The following TRPC1 variants were observed in gnomAD, a reference collection of about 807,000 sequenced individuals.
TRPC1 encodes transient receptor potential cation channel subfamily C member 1.
TRPC1 carries 42 observed loss-of-function variants against 88.2 expected under a neutral mutation model. That is an observed-to-expected ratio of 0.48 (90% CI 0.37 to 0.62). The LOEUF is 0.62. TRPC1 is among the 20% of genes least tolerant of loss of function. The probability of loss-of-function intolerance (pLI) is 0.00; values close to 1 mark genes in which losing one functional copy is unlikely to be tolerated. For missense variants in TRPC1, 699 were observed against 957.3 expected, an observed-to-expected ratio of 0.73 and a Z score of 3.56; for synonymous variants, 288 against 331.8, an observed-to-expected ratio of 0.87 and a Z score of 1.43.
chr3:142,751,104 G>C (rs1469967656), intron 4 of TRPC1, among the ~76,000 whole-genome samples: 2 of 152,122 alleles, frequency 1.3e-5, no homozygotes, highest in Non-Finnish European at 2.9e-5. Flanking sequence ...CTGTGAGCTA[G>C]GTTTAATTTA....
chr3:142,802,163 C>A lies in TRPC1; in HGVS notation c.1582-6C>A. 6.5e-7 allele frequency: 1 copy of A among 1,541,006 alleles called. No individual in the cohort carries two copies. Among genetic ancestry groups the A allele is most frequent in the Non-Finnish European group, 8.7e-7 (1 of 1,147,214 alleles). ...TTAATGAACACCTGTGTAATATATTCCACAGATTTCAATGGGACAGATGTT... is the reference window on the plus strand; with the variant it reads ...TTAATGAACACCTGTGTAATATATTACACAGATTTCAATGGGACAGATGTT... On this transcript the variant is annotated splice_region_variant and splice_polypyrimidine_tract_variant and intron_variant, in intron 9 of 12. Coordinates refer to ENST00000476941, the MANE Select transcript of TRPC1 (RefSeq NM_001251845.2).
In TRPC1 at chr3:142,777,686, AGAG is replaced by A; in HGVS notation, c.693_695del (p.Glu231del). The stretch of plus-strand genomic sequence containing the variant: ...CCAGTCCAGCTCTAATAATGTTAAC[AGAG>A]GAGGATCCAATTCTGAGAGCATTTG... On this transcript the variant is annotated inframe_deletion, in exon 5 of 13. Coordinates refer to ENST00000476941, the MANE Select transcript of TRPC1 (RefSeq NM_001251845.2). 1 of 1,613,314 alleles carries A rather than the reference AGAG, an allele frequency of 6.2e-7. No homozygotes were observed. Among genetic ancestry groups the A allele is most frequent in the Non-Finnish European group, 8.5e-7 (1 of 1,179,438 alleles).
At chr3:142,725,117 A>C (rs971168936) in intron 1 of TRPC1, among the ~76,000 whole-genome samples, 1 of 151,964 alleles carries the variant, frequency 6.6e-6, no homozygotes, top group Non-Finnish European at 1.5e-5. Flanking sequence ...AGTTTCCGAC[A>C]CTCCAGTCGG....
intron 1 of TRPC1, among the ~76,000 whole-genome samples, chr3:142,735,311 T>G (rs1205106488): frequency 6.6e-6 from 1 of 152,200 alleles, no homozygotes; most frequent in Non-Finnish European, 1.5e-5. Context: ...TTTAGCCCAG[T>G]TTCAGTATTT....
At chr3:142,731,822 G>T (rs929092681) in intron 1 of TRPC1, among the ~76,000 whole-genome samples, 1 of 151,976 alleles carries the variant, frequency 6.6e-6, no homozygotes, top group African/African-American at 2.4e-5. Context: ...GCTAAAACTG[G>T]TTTTTTACAT....
intron 9 of TRPC1, among the ~76,000 whole-genome samples, chr3:142,798,107 A>G (rs1487537487): frequency 6.6e-6 from 1 of 152,034 alleles, no homozygotes; most frequent in African/African-American, 2.4e-5. Flanking sequence ...CTCAAGTCCT[A>G]CCCTCAGAGA....
chr3:142,739,659 C>T lies in TRPC1; in HGVS notation c.327+3126C>T, dbSNP rs764754415. 5.2e-4 allele frequency among the ~76,000 whole-genome samples: 79 copies of T among 151,908 alleles called. 3 individuals are homozygous for T. The highest frequency in any genetic ancestry group is 1.6e-4 in the Non-Finnish European group (11 of 68,028). On this transcript the variant is annotated intron_variant, in intron 2 of 12. Coordinates refer to ENST00000476941, the MANE Select transcript of TRPC1 (RefSeq NM_001251845.2). Reference sequence around the variant, plus strand: ...ATATAATAGTTAGGGGATATCATTACATGATTTTCGAGAAAGGATGTGATG... The same window carrying T: ...ATATAATAGTTAGGGGATATCATTATATGATTTTCGAGAAAGGATGTGATG...
At chr3:142,784,623 A>G in intron 6 of TRPC1, 81 bp from the exon 7 acceptor site, 1 of 1,119,828 alleles carries the variant, frequency 8.9e-7, no homozygotes, top group Non-Finnish European at 1.3e-6. Context: ...TTATTCAGTA[A>G]ACTTTGAATA....
intron 10 of TRPC1, 142 bp from the exon 11 acceptor site, chr3:142,803,835 G>A (rs1378544138): frequency 6.3e-6 from 5 of 792,750 alleles, no homozygotes; most frequent in Non-Finnish European, 1.0e-5. Context: ...TATCAGTACT[G>A]TGGAAGTCAA....
At chr3:142,757,078 A>C (rs1286672579) in intron 4 of TRPC1, among the ~76,000 whole-genome samples, 1 of 152,162 alleles carries the variant, frequency 6.6e-6, no homozygotes, top group Admixed American at 6.5e-5. Context: ...TGGCTGAATA[A>C]TATTCCGTTA....
In TRPC1 at chr3:142,792,296, A is replaced by C. The variant is rs1198034126; in HGVS notation, c.1438-528A>C. Reference sequence around the variant, plus strand: ...CATTTTGAGAGTGAAAGGGGGCACTATTAATAATTATGCCAGGACAACTGG... The same window carrying C: ...CATTTTGAGAGTGAAAGGGGGCACTCTTAATAATTATGCCAGGACAACTGG... On this transcript the variant is annotated intron_variant, in intron 8 of 12. Transcript: ENST00000476941. The surrounding 1 kb of genome is among the most constrained non-coding windows in gnomAD (Gnocchi z 4.0). Among the ~76,000 whole-genome samples the C allele has an allele frequency of 6.6e-6, 1 of 152,088 alleles. No individual in the cohort carries two copies. Among genetic ancestry groups the C allele is most frequent in the Non-Finnish European group, 1.5e-5 (1 of 67,962 alleles).
chr3:142,725,934 T>C (rs1003210080), intron 1 of TRPC1, among the ~76,000 whole-genome samples: 3 of 152,218 alleles, frequency 2.0e-5, no homozygotes, highest in Non-Finnish European at 4.4e-5. Context: ...TATGTTCTTA[T>C]GTAATAGTAT....
chr3:142,801,770 T>C (rs758941116), intron 9 of TRPC1, among the ~76,000 whole-genome samples: 2 of 152,164 alleles, frequency 1.3e-5, no homozygotes, highest in Non-Finnish European at 2.9e-5. Context: ...CTCATAATGA[T>C]TTTATGTTTG....
chr3:142,734,863 A>G (rs1389380794), intron 1 of TRPC1, among the ~76,000 whole-genome samples: 1 of 152,230 alleles, frequency 6.6e-6, no homozygotes, highest in Non-Finnish European at 1.5e-5. Context: ...ACACATCACG[A>G]TAACAAAGTA....
chr3:142,805,094 C>A (rs1560123005), intron 12 of TRPC1, among the ~76,000 whole-genome samples: 1 of 150,532 alleles, frequency 6.6e-6, no homozygotes, highest in Non-Finnish European at 1.5e-5. Flanking sequence ...GAGCGAGACT[C>A]CACCTCAGAA....
chr3:142,727,687 G>A (rs529525040), intron 1 of TRPC1, among the ~76,000 whole-genome samples: 2 of 152,202 alleles, frequency 1.3e-5, no homozygotes, highest in East Asian at 3.9e-4. Flanking sequence ...AGGACCCCCA[G>A]ATAAAATTCT....
intron 4 of TRPC1, among the ~76,000 whole-genome samples, chr3:142,753,228 G>A (rs1934842175): frequency 1.3e-5 from 2 of 152,238 alleles, no homozygotes; most frequent in African/African-American, 2.4e-5. Context: ...GGGGAGCTAT[G>A]ACTTGACATA....
chr3:142,805,895 A>G (rs956445967), intron 12 of TRPC1, 113 bp from the exon 13 acceptor site: 17 of 864,262 alleles, frequency 2.0e-5, no homozygotes, highest in African/African-American at 5.2e-5. Flanking sequence ...TAGAAAAACT[A>G]TAGTCTAATA....
chr3:142,767,490 C>CTT lies in TRPC1; in HGVS notation c.633-10136_633-10135dup, dbSNP rs147954326. On this transcript the variant is annotated intron_variant, in intron 4 of 12. Transcript: ENST00000476941. This position sits in a 1 kb window ranked among gnomAD's most constrained non-coding sequence, Gnocchi z 5.1. ...CATATCAGGGAGTTTCCTAGATTTC[C>CTT]TTTTTTTGGTGATTTCTACTTTAAT... is the stretch of plus-strand genomic sequence containing the variant. Among the ~76,000 whole-genome samples the CTT allele has an allele frequency of 1.3e-5, 2 of 150,654 alleles. No homozygotes were observed. Among genetic ancestry groups the CTT allele is most frequent in the African/African-American group, 4.9e-5 (2 of 41,188 alleles).
Sources: allele counts gnomAD v4.1 joint callset (sites outside exome capture counted in the v4.1 genomes callset), GRCh38; gene constraint gnomAD v4.1.1; non-coding constraint Gnocchi (gnomAD v3.1); transcripts MANE v1.5; gene names NCBI Gene and HGNC (gene_info 2026-07-23, HGNC 2026-07-21).